CPAP: variants seen among roughly 807,000 people sequenced by gnomAD.
The protein encoded by CPAP is centrosome assembly and centriole elongation protein, also known as centrosomal P4.1-associated protein.
At chr13:24,933,085 AC>A in the CPAP span, 1 of 1,590,206 alleles carries the variant, frequency 6.3e-7, no homozygotes, top group Non-Finnish European at 8.6e-7. Context: ...AAAGCTACAA[AC>A]TGACATTAAG....
At chr13:24,883,951 A>C in the CPAP span, 1 of 1,613,936 alleles carries the variant, frequency 6.2e-7, no homozygotes, top group East Asian at 2.2e-5. Context: ...TGTGAACATA[A>C]TGTTGCCATA....
chr13:24,889,165 A>G, the CPAP span: 2 of 672,682 alleles, frequency 3.0e-6, no homozygotes, highest in South Asian at 3.4e-5. Flanking sequence ...GCGGAATAAG[A>G]TGATGCACAG....
the CPAP span, chr13:24,884,236 A>G: frequency 1.2e-6 from 2 of 1,614,152 alleles, no homozygotes; most frequent in Middle Eastern, 1.6e-4. Flanking sequence ...GCAGCTGCAT[A>G]GTAGTAGATC....
chr13:24,885,903 A>G, the CPAP span: 11 of 535,524 alleles, frequency 2.1e-5, no homozygotes, highest in Non-Finnish European at 3.0e-5. Flanking sequence ...TGGGGAAGAG[A>G]CAGGTGATGA....
the CPAP span, among the ~76,000 whole-genome samples, chr13:24,922,609 G>A: frequency 5.9e-5 from 9 of 152,224 alleles, no homozygotes; most frequent in Non-Finnish European, 8.8e-5. Context: ...CAGCGCGCCC[G>A]TGGGCCTGAG....
the CPAP span, chr13:24,885,288 A>ATGAC: frequency 6.3e-7 from 1 of 1,599,390 alleles, no homozygotes; most frequent in African/African-American, 1.3e-5. Context: ...TTCCATCAGG[A>ATGAC]TGACTGATTT....
At chr13:24,906,707 G>A in the CPAP span, 1 of 1,614,188 alleles carries the variant, frequency 6.2e-7, no homozygotes, top group Non-Finnish European at 8.5e-7. Context: ...CTTGGTTCTA[G>A]CTTTACTGTC....
the CPAP span, among the ~76,000 whole-genome samples, chr13:24,917,053 A>T: frequency 6.6e-6 from 1 of 152,178 alleles, no homozygotes; most frequent in Non-Finnish European, 1.5e-5. Context: ...GATCGAGACC[A>T]TCCTGGCTAA....
the CPAP span, chr13:24,905,318 A>C: frequency 6.3e-7 from 1 of 1,597,990 alleles, no homozygotes; most frequent in African/African-American, 1.3e-5. Context: ...TAACATTCTG[A>C]TACATATTTT....
the CPAP span, among the ~76,000 whole-genome samples, chr13:24,907,373 C>G: frequency 2.0e-5 from 3 of 152,166 alleles, no homozygotes; most frequent in Admixed American, 2.0e-4. Context: ...AATAAAGAAA[C>G]ATACAACACT....
the CPAP span, among the ~76,000 whole-genome samples, chr13:24,929,989 C>T: frequency 6.8e-6 from 1 of 148,086 alleles, no homozygotes; most frequent in Non-Finnish European, 1.5e-5. Flanking sequence ...TAGCTCACTA[C>T]AGCTGTGAAC....
chr13:24,907,231 T>C, the CPAP span: 3 of 1,495,654 alleles, frequency 2.0e-6, no homozygotes, highest in Non-Finnish European at 9.3e-7. Flanking sequence ...ATGCAAATCA[T>C]AATGTGTGAA....
At chr13:24,925,653 G>C in the CPAP span, among the ~76,000 whole-genome samples, 3 of 152,188 alleles carry the variant, frequency 2.0e-5, no homozygotes, top group Non-Finnish European at 4.4e-5. Context: ...GCCAAGGAAT[G>C]ATTCCTATAG....
At chr13:24,888,633 T>C in the CPAP span, among the ~76,000 whole-genome samples, 1 of 152,188 alleles carries the variant, frequency 6.6e-6, no homozygotes, top group Non-Finnish European at 1.5e-5. Context: ...CCAGCTGACA[T>C]GGCCTGGCAT....
the CPAP span, among the ~76,000 whole-genome samples, chr13:24,908,298 C>T: frequency 6.6e-6 from 1 of 151,808 alleles, no homozygotes; most frequent in Non-Finnish European, 1.5e-5. Flanking sequence ...AACTACAAAA[C>T]TCCAATTAAG....
At chr13:24,892,494 A>C in the CPAP span, 1 of 675,922 alleles carries the variant, frequency 1.5e-6, no homozygotes, top group Non-Finnish European at 2.6e-6. Flanking sequence ...TTCATCTTAC[A>C]AGATGGAAAC....
chr13:24,887,612 C>A, the CPAP span, among the ~76,000 whole-genome samples: 1 of 152,146 alleles, frequency 6.6e-6, no homozygotes, highest in African/African-American at 2.4e-5. Flanking sequence ...AAGCTCAGGG[C>A]TCCCCCTGAT....
At chr13:24,914,986 A>C in the CPAP span, among the ~76,000 whole-genome samples, 1 of 151,844 alleles carries the variant, frequency 6.6e-6, no homozygotes, top group Non-Finnish European at 1.5e-5. Flanking sequence ...GAGGCGGGAG[A>C]ATCGCCTGAA....
At chr13:24,905,646 T>A in the CPAP span, 23 of 1,614,226 alleles carry the variant, frequency 1.4e-5, no homozygotes, top group East Asian at 4.5e-4. Flanking sequence ...TCAGTCCAAG[T>A]TCTTTCATCA....
Sources: gnomAD v4.1 joint callset for allele counts (sites outside exome capture counted in the v4.1 genomes callset) on GRCh38, gnomAD v4.1.1 for gene constraint, MANE v1.5 for transcripts, NCBI Gene and HGNC (gene_info 2026-07-23, HGNC 2026-07-21) for gene names.